Variants in ESRRB observed in about 807,000 individuals in gnomAD.
ESRRB encodes estrogen related receptor beta.
A neutral mutation model predicts 46.0 loss-of-function variants in ESRRB; 16 were observed. The observed-to-expected ratio is 0.35, with a 90% CI of 0.24 to 0.53. The LOEUF (loss-of-function observed/expected upper bound fraction) is 0.53. Ranked by LOEUF, ESRRB falls within the 20% of genes least tolerant of loss-of-function variation. ESRRB has a pLI of 0.93. For missense variants in ESRRB, 488 were observed against 607.4 expected, an observed-to-expected ratio of 0.80 and a Z score of 2.07; for synonymous variants, 246 against 259.6, an observed-to-expected ratio of 0.95 and a Z score of 0.50.
At chr14:76,416,858 T>A (rs1051089074) in intron 1 of ESRRB, among the ~76,000 whole-genome samples, 3 of 152,182 alleles carry the variant, frequency 2.0e-5, no homozygotes, top group East Asian at 3.8e-4. Flanking sequence ...TCCAAGACCC[T>A]GCCTTCAGGG....
chr14:76,449,217 T>C (rs1320525362), intron 2 of ESRRB, among the ~76,000 whole-genome samples: 2 of 152,316 alleles, frequency 1.3e-5, no homozygotes. Context: ...CCAACACTTG[T>C]AAGATTATTT....
upstream of ESRRB, among the ~76,000 whole-genome samples, chr14:76,366,610 G>T (rs1039572110): frequency 6.6e-6 from 1 of 152,254 alleles, no homozygotes; most frequent in East Asian, 1.9e-4. Context: ...CACGTGAAGG[G>T]GAGATGGTCG....
At chr14:76,342,028 T>A (rs1884197472) in intron 1 of ESRRB, among the ~76,000 whole-genome samples, 1 of 152,106 alleles carries the variant, frequency 6.6e-6, no homozygotes, top group Non-Finnish European at 1.5e-5. Flanking sequence ...GGGAGGAACT[T>A]CAGAATGCTA....
intron 1 of ESRRB, among the ~76,000 whole-genome samples, chr14:76,390,746 C>A (rs969138636): frequency 1.3e-5 from 2 of 152,138 alleles, no homozygotes; most frequent in African/African-American, 4.8e-5. Context: ...GAGCTAAGTG[C>A]GGGAAGTAAA....
rs1277348423 is a variant in ESRRB at position 76,333,077 on chromosome 14, A to G, written c.2+22161A>G. ...ATATATTATATATTATATATTATATATATTATTTATATTATATATTATATA... is the reference window on the plus strand; with the variant it reads ...ATATATTATATATTATATATTATATGTATTATTTATATTATATATTATATA... On this transcript the variant is annotated intron_variant, in intron 1 of 6. Transcript: ENST00000512784. 2.6e-3 allele frequency among the ~76,000 whole-genome samples: 25 copies of G among 9,616 alleles called. 6 individuals carry two copies. The highest frequency in any genetic ancestry group is 8.6e-3 in the African/African-American group (25 of 2,912). The allele number at this position is 9,616 out of a possible 152,430, so 6.3% of individuals were successfully genotyped here.
At chr14:76,354,540 T>C (rs2139764516) in intron 1 of ESRRB, among the ~76,000 whole-genome samples, 1 of 151,818 alleles carries the variant, frequency 6.6e-6, no homozygotes, top group East Asian at 2.0e-4. Context: ...CATCCAACAT[T>C]GTGACCCAAA....
chr14:76,427,342 T>G (rs1029812531), intron 1 of ESRRB, among the ~76,000 whole-genome samples: 2 of 151,882 alleles, frequency 1.3e-5, no homozygotes, highest in Non-Finnish European at 2.9e-5. Flanking sequence ...GAGCTGTGTG[T>G]GTGTGTGTGT....
intron 1 of ESRRB, among the ~76,000 whole-genome samples, chr14:76,386,929 C>G (rs1055353286): frequency 6.6e-6 from 1 of 152,156 alleles, no homozygotes; most frequent in Non-Finnish European, 1.5e-5. Flanking sequence ...TTTTGGGAAC[C>G]TGTCTGTGCC....
chr14:76,494,795 A>G (rs1460935168), intron 6 of ESRRB, among the ~76,000 whole-genome samples: 1 of 152,146 alleles, frequency 6.6e-6, no homozygotes, highest in East Asian at 1.9e-4. Context: ...AAAGCAGAGG[A>G]AGCCAGGTGC....
At chr14:76,478,646 C>G (rs1457508070) in intron 3 of ESRRB, among the ~76,000 whole-genome samples, 2 of 152,026 alleles carry the variant, frequency 1.3e-5, no homozygotes, top group African/African-American at 4.8e-5. Flanking sequence ...CTTACTGTCT[C>G]TTATGGATGA....
intron 1 of ESRRB, among the ~76,000 whole-genome samples, chr14:76,410,705 A>G (rs529128087): frequency 6.6e-6 from 1 of 152,310 alleles, no homozygotes; most frequent in East Asian, 1.9e-4. Flanking sequence ...TTTCCCAGAA[A>G]GAGAGGGGGC....
At chr14:76,432,075 GTCC>G (rs1304978752) in intron 1 of ESRRB, among the ~76,000 whole-genome samples, 3 of 152,046 alleles carry the variant, frequency 2.0e-5, no homozygotes, top group African/African-American at 7.2e-5. Flanking sequence ...TCCCAATCCC[GTCC>G]TTTCTGACAT....
At position 76,388,559 on chromosome 14, in the gene ESRRB, G is replaced by A. The variant is rs10148602; in HGVS notation, c.50+12108G>A. The stretch of plus-strand genomic sequence containing the variant: ...TAACACTTGGGCAAAGTTTAAGGTG[G>A]TGGTGGAGGGGGAAAAGACCAAGAC... On this transcript the variant is annotated intron_variant, in intron 1 of 6. Coordinates refer to ENST00000644823, the MANE Select transcript of ESRRB (RefSeq NM_001379180.1). 9.8e-3 allele frequency among the ~76,000 whole-genome samples: 1,200 copies of A among 122,356 alleles called. 13 individuals carry two copies. Among genetic ancestry groups the A allele is most frequent in the African/African-American group, 0.036 (1,161 of 32,386 alleles). 80.3% of individuals were successfully genotyped at this position (122,356 alleles called of 152,430 possible).
rs1369538907 is a variant in ESRRB at position 76,498,622 on chromosome 14, G to T, written c.*164G>T. ...CTCCTGGCTGTGTGCAGACTCCCGG[G>T]TGCAGTGGGGTGGGGGACGGGGATG... On this transcript the variant is annotated 3_prime_UTR_variant, in exon 7 of 7. Transcript: ENST00000644823. 5 of 1,348,416 alleles carry T rather than the reference G, an allele frequency of 3.7e-6. No individual in the cohort carries two copies. In the African/African-American group the frequency reaches 7.4e-5, roughly 20 times the overall value. The allele number at this position is 1,348,416 out of a possible 1,614,324, so 83.5% of individuals were successfully genotyped here.
intron 1 of ESRRB, among the ~76,000 whole-genome samples, chr14:76,415,368 T>C (rs1886652142): frequency 6.6e-6 from 1 of 152,038 alleles, no homozygotes; most frequent in African/African-American, 2.4e-5. Flanking sequence ...TTATATCAAA[T>C]AGAGATAGGA....
At position 76,491,667 on chromosome 14, in the gene ESRRB, G is replaced by A; in HGVS notation, c.1071G>A (p.Val357=). The A allele has an allele frequency of 1.9e-6, 3 of 1,587,364 alleles. No homozygotes were observed. Among genetic ancestry groups the A allele is most frequent in the South Asian group, 1.2e-5 (1 of 86,556 alleles). Residue 357 remains valine, a synonymous_variant, in exon 6 of 7, where the codon GTG becomes GTA. Transcript: ENST00000644823. ...QLVRRYKKLK[V]EKEEFVTLKA... Reference sequence around the variant, plus strand: ...TACGCAGGTACAAGAAGCTCAAGGTGGAGAAGGAGGAGTTTGTGACGCTCA... The same window carrying A: ...TACGCAGGTACAAGAAGCTCAAGGTAGAGAAGGAGGAGTTTGTGACGCTCA...
At chr14:76,449,726 C>G (rs1288398783) in intron 2 of ESRRB, among the ~76,000 whole-genome samples, 1 of 150,250 alleles carries the variant, frequency 6.7e-6, no homozygotes, top group East Asian at 1.9e-4. Context: ...TGTAAAGACT[C>G]AAATCATAAG....
At chr14:76,463,441 C>CTTTTTTTTTTTTTTTTTTT (rs1566599965) in intron 3 of ESRRB, 1 of 110,418 alleles carries the variant, frequency 9.1e-6, no homozygotes, top group African/African-American at 4.4e-5. Context: ...TCACATGCTT[C>CTTTTTTTTTTTTTTTTTTT]TTTGTTTTTT....
At position 76,439,726 on chromosome 14, in the gene ESRRB, G is replaced by A. The variant is rs773307234; in HGVS notation, c.436G>A (p.Ala146Thr). The A allele has an allele frequency of 6.2e-7, 1 of 1,613,908 alleles. No homozygotes were observed. Among genetic ancestry groups the A allele is most frequent in the East Asian group, 2.2e-5 (1 of 44,870 alleles). ...YGVASCEACK[A>T]FFKRTIQGNI... ...CGTGGCCTCCTGCGAGGCTTGCAAG[G>A]CCTTCTTCAAGAGGACTATCCAAGG... Residue 146 changes from alanine (A) to threonine (T), a missense_variant, in exon 2 of 7, where the codon GCC (alanine) becomes ACC (threonine). Transcript: ENST00000644823.
Sources: allele counts gnomAD v4.1 joint callset (sites outside exome capture counted in the v4.1 genomes callset), GRCh38; gene constraint gnomAD v4.1.1; transcripts MANE v1.5; gene names NCBI Gene and HGNC (gene_info 2026-07-23, HGNC 2026-07-21).